The following MMP26 variants were observed in gnomAD, a reference collection of about 807,000 sequenced individuals.
MMP26 encodes matrix metalloproteinase-26.
A neutral mutation model predicts 31.0 loss-of-function variants in MMP26; 33 were observed. The observed-to-expected ratio is 1.06, with a 90% CI of 0.81 to 1.42. The LOEUF is 1.42. Among genes scored for constraint, MMP26 ranks in the 40% most tolerant of loss-of-function variants. The probability of loss-of-function intolerance (pLI) is 0.00; values close to 1 mark genes in which losing one functional copy is unlikely to be tolerated. For synonymous variants in MMP26, 122 were observed against 114.9 expected (o/e 1.06, Z -0.40); for missense variants, 347 against 316.1 (o/e 1.10, Z -0.74).
At chr11:4,839,425 G>C (rs1849764648) in intron 2 of MMP26, among the ~76,000 whole-genome samples, 1 of 151,430 alleles carries the variant, frequency 6.6e-6, no homozygotes, top group Admixed American at 6.6e-5. Flanking sequence ...CACCAAAAGA[G>C]ACCCCTTCCT....
chr11:4,781,202 C>T (rs938121568), intron 2 of MMP26, among the ~76,000 whole-genome samples: 38 of 152,168 alleles, frequency 2.5e-4, no homozygotes, highest in Admixed American at 1.2e-3. Flanking sequence ...GATGGTTGTA[C>T]GACTGCATAA....
chr11:4,802,024 A>G (rs190774960), intron 2 of MMP26, among the ~76,000 whole-genome samples: 1 of 152,172 alleles, frequency 6.6e-6, no homozygotes, highest in African/African-American at 2.4e-5. Context: ...GGTCCAAATC[A>G]TATCAACTAC....
At chr11:4,709,456 T>A in intron 1 of MMP26, 1 of 351,766 alleles carries the variant, frequency 2.8e-6, no homozygotes, top group South Asian at 2.2e-5. Flanking sequence ...TAGGATGTGG[T>A]TCTCTAGTGA....
At chr11:4,782,722 T>C (rs1280842130) in intron 2 of MMP26, among the ~76,000 whole-genome samples, 7 of 152,102 alleles carry the variant, frequency 4.6e-5, no homozygotes, top group African/African-American at 1.7e-4. Context: ...GAAAAAGTGG[T>C]ATATTGGGCC....
intron 1 of MMP26, among the ~76,000 whole-genome samples, chr11:4,705,418 A>G (rs1847762453): frequency 6.6e-6 from 1 of 152,176 alleles, no homozygotes; most frequent in Non-Finnish European, 1.5e-5. Context: ...ATCTAATCTT[A>G]CCCTGCTTTC....
At chr11:4,882,269 C>A (rs781697460) in intron 2 of MMP26, 7 of 1,613,772 alleles carry the variant, frequency 4.3e-6, no homozygotes, top group Non-Finnish European at 5.9e-6. Context: ...GGCCTTTGAC[C>A]GCTTCGTGGC....
At chr11:4,888,234 A>G (rs1020811998) in intron 2 of MMP26, among the ~76,000 whole-genome samples, 2 of 152,164 alleles carry the variant, frequency 1.3e-5, no homozygotes, top group African/African-American at 2.4e-5. Flanking sequence ...ACCTTTGTCT[A>G]CTACTAAGTA....
intron 2 of MMP26, among the ~76,000 whole-genome samples, chr11:4,783,224 G>C (rs71480718): frequency 6.6e-6 from 1 of 152,194 alleles, no homozygotes; most frequent in Non-Finnish European, 1.5e-5. Flanking sequence ...TACCTTGTAA[G>C]GCCACAGGGG....
intron 2 of MMP26, among the ~76,000 whole-genome samples, chr11:4,929,625 G>A (rs1038359517): frequency 2.0e-5 from 3 of 152,022 alleles, no homozygotes; most frequent in Admixed American, 2.0e-4. Flanking sequence ...TTTTATTGCA[G>A]TTTTTCTAGT....
intron 1 of MMP26, among the ~76,000 whole-genome samples, chr11:4,760,580 G>A (rs887991358): frequency 1.3e-5 from 2 of 152,186 alleles, no homozygotes; most frequent in African/African-American, 4.8e-5. Flanking sequence ...CTCTACATGT[G>A]TAACTTTAAC....
rs575203006 is a variant in MMP26 at position 4,853,551 on chromosome 11, A to G, written c.-145+86210A>G. On this transcript the variant is annotated intron_variant, in intron 2 of 7. Transcript: ENST00000380390. ...ATAACACTATTAGACAATTAGTTGA[A>G]ATTTTTAAAATCCTAGAAAAATAAA... Among the ~76,000 whole-genome samples, 7 of 152,302 alleles carry G rather than the reference A, an allele frequency of 4.6e-5. No individual in the cohort carries two copies. In the East Asian group the frequency reaches 1.2e-3, roughly 25 times the overall value.
chr11:4,968,566 T>C (rs1403715005), intron 2 of MMP26, among the ~76,000 whole-genome samples: 1 of 151,950 alleles, frequency 6.6e-6, no homozygotes, highest in African/African-American at 2.4e-5. Flanking sequence ...AAATAGTCTT[T>C]ATCATAGCAT....
At chr11:4,919,812 G>A (rs1386733503) in intron 2 of MMP26, among the ~76,000 whole-genome samples, 2 of 152,198 alleles carry the variant, frequency 1.3e-5, no homozygotes, top group East Asian at 1.9e-4. Flanking sequence ...TGCTGGGATG[G>A]TATTGATGAT....
At chr11:4,777,366 A>G (rs17325330) in intron 2 of MMP26, among the ~76,000 whole-genome samples, 14,434 of 152,228 alleles carry the variant, frequency 0.095, 853 homozygotes, top group Middle Eastern at 0.15. Context: ...TGAAGATTTT[A>G]AAATATTTTC....
intron 3 of MMP26, among the ~76,000 whole-genome samples, chr11:4,989,361 C>T (rs547245289): frequency 6.0e-4 from 92 of 152,168 alleles, no homozygotes; most frequent in African/African-American, 2.2e-3. Flanking sequence ...ATCTTCCTGT[C>T]GTTTATACTT....
At position 4,781,541 on chromosome 11, in the gene MMP26, G is replaced by A. The variant is rs1179998215; in HGVS notation, c.-145+14200G>A. 1.8e-3 allele frequency among the ~76,000 whole-genome samples: 83 copies of A among 46,596 alleles called. 6 individuals carry two copies. The highest frequency in any genetic ancestry group is 2.2e-3 in the Non-Finnish European group (67 of 30,192). The allele number at this position is 46,596 out of a possible 152,430, so 30.6% of individuals were successfully genotyped here. On this transcript the variant is annotated intron_variant, in intron 2 of 7. Transcript: ENST00000380390. ...CGCAGTCCGGCCTGGGCGACAGAGC[G>A]AGACTCCGTCTCAAAAAAAAAAAAA...
At chr11:4,730,249 C>A (rs948692721) in intron 1 of MMP26, among the ~76,000 whole-genome samples, 1 of 152,164 alleles carries the variant, frequency 6.6e-6, no homozygotes, top group African/African-American at 2.4e-5. Context: ...GTCTTAACTT[C>A]CCCTGTGGGA....
intron 1 of MMP26, among the ~76,000 whole-genome samples, chr11:4,714,916 T>TCC (rs1564892951): frequency 4.5e-5 from 6 of 133,314 alleles, no homozygotes; most frequent in African/African-American, 1.9e-4. Context: ...TCTCTCTCTC[T>TCC]CTCTCACACA....
intron 2 of MMP26, among the ~76,000 whole-genome samples, chr11:4,789,530 C>CTGTTTTT (rs1848993334): frequency 1.5e-5 from 1 of 65,942 alleles, no homozygotes; most frequent in African/African-American, 5.4e-5. Context: ...TATCCCCCCA[C>CTGTTTTT]TTTTTTTTTT....
Sources: allele counts gnomAD v4.1 joint callset (sites outside exome capture counted in the v4.1 genomes callset), GRCh38; gene constraint gnomAD v4.1.1; transcripts MANE v1.5; gene names NCBI Gene and HGNC (gene_info 2026-07-23, HGNC 2026-07-21).